The following JMJD1C variants were observed in gnomAD, a reference collection of about 807,000 sequenced individuals.
The protein encoded by JMJD1C is jumonji domain-containing protein 1C.
Under a neutral mutation model 245.3 loss-of-function variants are expected in JMJD1C, and 31 were observed. The ratio of observed to expected loss-of-function variants is 0.13; its 90% CI spans 0.09 to 0.17. The LOEUF is 0.17. JMJD1C is among the 10% of genes least tolerant of loss of function. The pLI, the probability that JMJD1C is intolerant of heterozygous loss-of-function variation, is 1.00. For synonymous variants in JMJD1C, 1,057 were observed against 1,017.4 expected (o/e 1.04, Z -0.74); for missense variants, 2,691 against 3,000.2 (o/e 0.90, Z 2.41).
At chr10:63,238,443 TATAAC>T (rs1176438179) in intron 3 of JMJD1C, among the ~76,000 whole-genome samples, 1 of 152,172 alleles carries the variant, frequency 6.6e-6, no homozygotes, top group East Asian at 1.9e-4. Flanking sequence ...AAGGAGTTTA[TATAAC>T]ATAATTTGCT....
chr10:63,381,425 A>G (rs1211609203), intron 1 of JMJD1C, among the ~76,000 whole-genome samples: 1 of 152,190 alleles, frequency 6.6e-6, no homozygotes, highest in East Asian at 1.9e-4. Context: ...AGACAGGAGG[A>G]TCACTTGAGC....
rs201967429 is a variant in JMJD1C at position 63,359,550 on chromosome 10, ACTT to A, written c.333+20765_333+20767del. Among the ~76,000 whole-genome samples, 610 of 152,322 alleles carry A rather than the reference ACTT, an allele frequency of 4.0e-3. 4 individuals are homozygous for A. Among genetic ancestry groups the A allele is most frequent in the African/African-American group, 0.012 (506 of 41,568 alleles). ...CCTGAATATGACTATCCAATTTCTAACTTCTTATTACATAAAAAATTGAATTTT... is the reference window on the plus strand; with the variant it reads ...CCTGAATATGACTATCCAATTTCTAACTTATTACATAAAAAATTGAATTTT... On this transcript the variant is annotated intron_variant, in intron 2 of 25. Transcript: ENST00000399262.
At chr10:63,402,119 A>G (rs1428180818) in intron 1 of JMJD1C, among the ~76,000 whole-genome samples, 4 of 148,208 alleles carry the variant, frequency 2.7e-5, no homozygotes, top group Non-Finnish European at 6.0e-5. Context: ...GGGCAACAAG[A>G]GCAAACTCCG....
chr10:63,240,042 T>C (rs1183499906), intron 3 of JMJD1C, among the ~76,000 whole-genome samples: 3 of 152,230 alleles, frequency 2.0e-5, no homozygotes, highest in Non-Finnish European at 4.4e-5. Flanking sequence ...TTACACTTAT[T>C]ATCTACCTGG....
chr10:63,373,366 T>A (rs1251223159), intron 2 of JMJD1C, among the ~76,000 whole-genome samples: 2 of 152,208 alleles, frequency 1.3e-5, no homozygotes, highest in Non-Finnish European at 2.9e-5. Flanking sequence ...ATTATACTAT[T>A]CATATTTTGC....
chr10:63,381,370 G>A (rs1342795441), intron 1 of JMJD1C, among the ~76,000 whole-genome samples: 2 of 152,030 alleles, frequency 1.3e-5, no homozygotes, highest in Non-Finnish European at 2.9e-5. Context: ...AAACTTAGCT[G>A]GACATGGTGG....
intron 3 of JMJD1C, among the ~76,000 whole-genome samples, chr10:63,243,534 AT>A (rs140973916): frequency 1.3e-5 from 2 of 152,190 alleles, no homozygotes; most frequent in Middle Eastern, 3.4e-3. Context: ...CTCAAAAAAA[AT>A]TTTTTTTCAC....
At chr10:63,262,421 A>G (rs1268138456) in intron 3 of JMJD1C, among the ~76,000 whole-genome samples, 2 of 152,176 alleles carry the variant, frequency 1.3e-5, no homozygotes, top group African/African-American at 4.8e-5. Flanking sequence ...TACACATGGG[A>G]GAAAATATTT....
chr10:63,228,360 A>G (rs1290689146), intron 3 of JMJD1C, among the ~76,000 whole-genome samples: 1 of 152,094 alleles, frequency 6.6e-6, no homozygotes. Context: ...CTGTTTAAAA[A>G]TCTAAAAGTA....
At chr10:63,247,695 GCA>G (rs1247692218) in intron 3 of JMJD1C, among the ~76,000 whole-genome samples, 1 of 120,058 alleles carries the variant, frequency 8.3e-6, no homozygotes, top group Non-Finnish European at 1.6e-5. Context: ...CTGAGCCACC[GCA>G]CACCAGCCTG....
At chr10:63,341,297 T>C (rs781264377) in intron 2 of JMJD1C, among the ~76,000 whole-genome samples, 10 of 152,232 alleles carry the variant, frequency 6.6e-5, no homozygotes, top group African/African-American at 9.6e-5. Flanking sequence ...GCCAAGGTCA[T>C]TGCTTATGAA....
chr10:63,271,685 G>A (rs1478837474), intron 2 of JMJD1C, among the ~76,000 whole-genome samples: 3 of 152,086 alleles, frequency 2.0e-5, no homozygotes, highest in Admixed American at 2.0e-4. Flanking sequence ...CTGTATAGCT[G>A]GGATTACATG....
At chr10:63,419,398 TA>T (rs1949988854) in intron 1 of JMJD1C, among the ~76,000 whole-genome samples, 1 of 151,072 alleles carries the variant, frequency 6.6e-6, no homozygotes, top group African/African-American at 2.4e-5. Flanking sequence ...AAAAAAAATA[TA>T]TATATAGATA....
chr10:63,486,137 T>TAAAA lies in JMJD1C; in HGVS notation n.113+35597_113+35600dup, dbSNP rs1166721473. Among the ~76,000 whole-genome samples, 67 of 73,276 alleles carry TAAAA rather than the reference T, an allele frequency of 9.1e-4. 2 individuals are homozygous for TAAAA. Among genetic ancestry groups the TAAAA allele is most frequent in the African/African-American group, 4.6e-3 (57 of 12,312 alleles). 48.1% of individuals were successfully genotyped at this position (73,276 alleles called of 152,430 possible). A position where few individuals can be genotyped will look rare whatever the true frequency, so the allele number is the denominator to read the frequency against. Reference sequence around the variant, plus strand: ...GAAAGTAAAGGGCTTCAAGCAATTGTAAAAAAAAAAAAAAAAAAAAAAAAA... The same window carrying TAAAA: ...GAAAGTAAAGGGCTTCAAGCAATTGTAAAAAAAAAAAAAAAAAAAAAAAAAAAAA... On this transcript the variant is annotated intron_variant and non_coding_transcript_variant, in intron 1 of 3. Coordinates refer to the JMJD1C transcript ENST00000633035.
At chr10:63,475,444 C>CT (rs1411624684) in intron 1 of JMJD1C, among the ~76,000 whole-genome samples, 1 of 152,138 alleles carries the variant, frequency 6.6e-6, no homozygotes, top group Admixed American at 6.5e-5. Context: ...TCAAAAATGG[C>CT]TTCCAAATAT....
chr10:63,371,027 G>A (rs1008868636), intron 2 of JMJD1C, among the ~76,000 whole-genome samples: 5 of 152,146 alleles, frequency 3.3e-5, no homozygotes, highest in African/African-American at 1.2e-4. Context: ...GCCCAGGCTG[G>A]AGTGCAATGG....
intron 2 of JMJD1C, among the ~76,000 whole-genome samples, chr10:63,335,833 C>A (rs898977346): frequency 2.0e-5 from 3 of 150,434 alleles, no homozygotes; most frequent in African/African-American, 7.3e-5. Context: ...AAAAAAAAAA[C>A]ACTTTGGCTG....
chr10:63,437,375 C>A lies in JMJD1C; in HGVS notation c.168+28120G>T, dbSNP rs559412114. Among the ~76,000 whole-genome samples, 4 of 152,264 alleles carry A rather than the reference C, an allele frequency of 2.6e-5. No homozygotes were observed. In the South Asian group the frequency reaches 8.3e-4, roughly 32 times the overall value. ...GCAGAAGCAATCAGATTTCCACAAG[C>A]TCTTACCTCTCTCTCACTACCTAGC... On this transcript the variant is annotated intron_variant, in intron 1 of 25. Transcript: ENST00000399262.
At chr10:63,174,535 A>G (rs1439073107) in intron 24 of JMJD1C, among the ~76,000 whole-genome samples, 1 of 151,732 alleles carries the variant, frequency 6.6e-6, no homozygotes, top group Non-Finnish European at 1.5e-5. Flanking sequence ...GAGGCTGACT[A>G]TAAAAGTGCA....
Sources: gnomAD v4.1 joint callset for allele counts (sites outside exome capture counted in the v4.1 genomes callset) on GRCh38, gnomAD v4.1.1 for gene constraint, MANE v1.5 for transcripts, NCBI Gene and HGNC (gene_info 2026-07-23, HGNC 2026-07-21) for gene names.